PACRG: variants seen among roughly 807,000 people sequenced by gnomAD.
PACRG encodes parkin coregulated, also known as parkin coregulated gene protein.
A neutral mutation model predicts 29.7 loss-of-function variants in PACRG; 29 were observed. The ratio of observed to expected loss-of-function variants is 0.98; its 90% CI spans 0.73 to 1.33. PACRG has a LOEUF of 1.33. Among genes scored for constraint, PACRG ranks in the 40% most tolerant of loss-of-function variants. PACRG has a pLI of 0.00. For synonymous variants in PACRG, 116 were observed against 118.7 expected (o/e 0.98, Z 0.15); for missense variants, 279 against 316.2 (o/e 0.88, Z 0.89).
intron 2 of PACRG, among the ~76,000 whole-genome samples, chr6:163,048,530 T>C (rs1401628045): frequency 2.6e-5 from 4 of 152,196 alleles, no homozygotes; most frequent in Non-Finnish European, 4.4e-5. Flanking sequence ...GTGTTAAGGT[T>C]ATGTCGGCCT....
chr6:163,125,300 C>T (rs1003872809), intron 4 of PACRG, among the ~76,000 whole-genome samples: 2 of 151,994 alleles, frequency 1.3e-5, no homozygotes, highest in Non-Finnish European at 2.9e-5. Flanking sequence ...TATAAAAGTA[C>T]TAGAAGAAAA....
At chr6:162,875,951 G>A (rs1793308051) in intron 2 of PACRG, among the ~76,000 whole-genome samples, 2 of 152,106 alleles carry the variant, frequency 1.3e-5, no homozygotes, top group African/African-American at 2.4e-5. Flanking sequence ...CATCATGCTT[G>A]TCTGAAGTGA....
At chr6:162,977,521 G>GC (rs1246421917) in intron 2 of PACRG, among the ~76,000 whole-genome samples, 1 of 151,722 alleles carries the variant, frequency 6.6e-6, no homozygotes, top group East Asian at 1.9e-4. Flanking sequence ...GCCACCCTGA[G>GC]CCCCTTTTTT....
At chr6:162,913,249 CCT>C (rs1158679201) in intron 2 of PACRG, among the ~76,000 whole-genome samples, 1 of 152,146 alleles carries the variant, frequency 6.6e-6, no homozygotes, top group Non-Finnish European at 1.5e-5. Flanking sequence ...CCAAGCCTTT[CCT>C]CTGTCCCCAG....
intron 4 of PACRG, among the ~76,000 whole-genome samples, chr6:163,199,369 G>T (rs1436706682): frequency 6.6e-6 from 1 of 152,162 alleles, no homozygotes; most frequent in Non-Finnish European, 1.5e-5. Flanking sequence ...TAGGACAGAG[G>T]CTCCTCCAGG....
chr6:163,144,773 GAA>G (rs199800335), intron 4 of PACRG, among the ~76,000 whole-genome samples: 1 of 150,724 alleles, frequency 6.6e-6, no homozygotes, highest in Non-Finnish European at 1.5e-5. Flanking sequence ...TCTCTCAAAA[GAA>G]AAAAAAAGTA....
Position 162,757,508 on chromosome 6 carries a change from G to A in PACRG, c.156+29117G>A, listed in dbSNP as rs564746202. ...AGATCACCTGAGGTCAGGAGTTCGA[G>A]ACCAGCCTGACTAACACAGTGAAAC... On this transcript the variant is annotated intron_variant, in intron 1 of 4. Transcript: ENST00000366888. Among the ~76,000 whole-genome samples, 23 of 152,214 alleles carry A rather than the reference G, an allele frequency of 1.5e-4. No homozygotes were observed. The South Asian group carries it at 3.1e-3, about 21-fold the overall frequency.
chr6:163,179,422 A>C (rs544420047), intron 4 of PACRG: 210 of 303,018 alleles, frequency 6.9e-4, no homozygotes, highest in African/African-American at 4.4e-3. Context: ...ACTTCTGGCA[A>C]ATCGTGGTGG....
intron 2 of PACRG, among the ~76,000 whole-genome samples, chr6:162,842,261 T>A (rs1422516501): frequency 7.1e-6 from 1 of 140,838 alleles, no homozygotes; most frequent in Non-Finnish European, 1.5e-5. Flanking sequence ...CAGGACTTGC[T>A]TTATGAATCT....
At chr6:163,128,840 G>A (rs1816618452) in intron 4 of PACRG, among the ~76,000 whole-genome samples, 1 of 152,128 alleles carries the variant, frequency 6.6e-6, no homozygotes, top group African/African-American at 2.4e-5. Flanking sequence ...ATATCATCAA[G>A]TTTCCAGAAG....
intron 1 of PACRG, among the ~76,000 whole-genome samples, chr6:162,767,554 T>G (rs1471707928): frequency 6.6e-6 from 1 of 151,762 alleles, no homozygotes; most frequent in African/African-American, 2.4e-5. Context: ...GTGATTTTTT[T>G]TGGTGGCTGT....
intron 2 of PACRG, among the ~76,000 whole-genome samples, chr6:162,859,976 A>C (rs548449935): frequency 1.3e-5 from 2 of 149,766 alleles, no homozygotes; most frequent in South Asian, 4.3e-4. Flanking sequence ...GTAGCTGGTG[A>C]GGAAAAGGTA....
At chr6:162,857,687 T>C (rs565420608) in intron 2 of PACRG, among the ~76,000 whole-genome samples, 1 of 152,158 alleles carries the variant, frequency 6.6e-6, no homozygotes, top group East Asian at 1.9e-4. Flanking sequence ...ATTTGAAAAA[T>C]GCTTAGTAAA....
rs146535162 is a variant in PACRG, at chr6:163,239,827, TACAC to T, written c.614-74995_614-74992del. Among the ~76,000 whole-genome samples the T allele has an allele frequency of 3.9e-3, 348 of 88,542 alleles. 12 individuals are homozygous for T. In the East Asian group the frequency reaches 0.095, roughly 24 times the overall value. 58.1% of individuals were successfully genotyped at this position (88,542 alleles called of 152,430 possible). A position where few individuals can be genotyped will look rare whatever the true frequency, so the allele number is the denominator to read the frequency against. On this transcript the variant is annotated intron_variant, in intron 4 of 4. Coordinates refer to ENST00000366888, the MANE Select transcript of PACRG (RefSeq NM_001080379.2). Reference sequence around the variant, plus strand: ...ACACTCCCACTCCCACCCCTACTTCTACACACACTCACATACACACACACTCTCA... The same window carrying T: ...ACACTCCCACTCCCACCCCTACTTCTACACTCACATACACACACACTCTCA...
chr6:163,260,352 C>G (rs1226975620), intron 4 of PACRG, among the ~76,000 whole-genome samples: 1 of 152,202 alleles, frequency 6.6e-6, no homozygotes, highest in Non-Finnish European at 1.5e-5. Flanking sequence ...CTCTTCTAGA[C>G]CTCAGAGCCC....
chr6:163,118,168 C>T (rs997864980), intron 4 of PACRG, among the ~76,000 whole-genome samples: 1 of 152,190 alleles, frequency 6.6e-6, no homozygotes, highest in Non-Finnish European at 1.5e-5. Context: ...TTATACACTG[C>T]ACAAGGAAGA....
At chr6:162,795,651 A>G (rs1350103448) in intron 1 of PACRG, among the ~76,000 whole-genome samples, 1 of 152,124 alleles carries the variant, frequency 6.6e-6, no homozygotes, top group African/African-American at 2.4e-5. Context: ...TTTTATTGCG[A>G]TAGTATTATG....
At chr6:163,292,171 TG>T (rs1488881601) in intron 4 of PACRG, among the ~76,000 whole-genome samples, 1 of 152,016 alleles carries the variant, frequency 6.6e-6, no homozygotes, top group African/African-American at 2.4e-5. Flanking sequence ...CGTGCGGTGG[TG>T]GCAACAGAAA....
intron 3 of PACRG, among the ~76,000 whole-genome samples, chr6:163,079,244 T>C (rs2128288787): frequency 6.6e-6 from 1 of 152,130 alleles, no homozygotes; most frequent in South Asian, 2.1e-4. Flanking sequence ...TCAAAAAAAA[T>C]TGATAGATTT....
Sources: allele counts gnomAD v4.1 joint callset (sites outside exome capture counted in the v4.1 genomes callset), GRCh38; gene constraint gnomAD v4.1.1; transcripts MANE v1.5; gene names NCBI Gene and HGNC (gene_info 2026-07-23, HGNC 2026-07-21).